The following IL1RAPL2 variants were observed in gnomAD, a reference collection of about 807,000 sequenced individuals.
IL1RAPL2 encodes interleukin 1 receptor accessory protein like 2.
Under a neutral mutation model 44.1 loss-of-function variants are expected in IL1RAPL2, and 3 were observed. The observed-to-expected ratio is 0.07, with a 90% CI of 0.03 to 0.18. The LOEUF is 0.18. Among genes scored for constraint, IL1RAPL2 ranks in the 10% least tolerant of loss-of-function variants. IL1RAPL2 has a pLI of 1.00. For missense variants in IL1RAPL2, 391 were observed against 496.4 expected, an observed-to-expected ratio of 0.79 and a Z score of 2.02; for synonymous variants, 181 against 178.8, an observed-to-expected ratio of 1.01 and a Z score of -0.10.
At chrX:104,916,475 C>G (rs1256526126) in intron 2 of IL1RAPL2, among the ~76,000 whole-genome samples, 1 of 111,351 alleles carries the variant, frequency 9.0e-6, no homozygotes, top group Non-Finnish European at 1.9e-5. Flanking sequence ...TGGGCTGAGA[C>G]GATGGGGTTT....
intron 2 of IL1RAPL2, among the ~76,000 whole-genome samples, chrX:105,077,858 G>A (rs1295263494): frequency 1.8e-5 from 2 of 111,781 alleles, no homozygotes; most frequent in Admixed American, 9.5e-5. Flanking sequence ...TGCATTCATC[G>A]TGTAGTTCTC....
chrX:105,081,640 T>G (rs778737377), intron 2 of IL1RAPL2, among the ~76,000 whole-genome samples: 1 of 112,012 alleles, frequency 8.9e-6, no homozygotes, highest in South Asian at 3.7e-4. Flanking sequence ...TATTTTGAGA[T>G]ACATTCCATC....
chrX:104,657,988 G>T (rs1010336612), intron 1 of IL1RAPL2, among the ~76,000 whole-genome samples: 1 of 112,273 alleles, frequency 8.9e-6, no homozygotes, highest in African/African-American at 3.2e-5. Flanking sequence ...AGAGGATGTG[G>T]AGAAATAGGA....
intron 2 of IL1RAPL2, among the ~76,000 whole-genome samples, chrX:104,684,701 G>A (rs1930951271): frequency 8.9e-6 from 1 of 112,484 alleles, no homozygotes; most frequent in East Asian, 2.8e-4. Context: ...CAATTGTTGT[G>A]ACATTGTTCA....
intron 2 of IL1RAPL2, among the ~76,000 whole-genome samples, chrX:104,716,725 C>G (rs1569302075): frequency 9.0e-6 from 1 of 111,479 alleles, no homozygotes; most frequent in Non-Finnish European, 1.9e-5. Context: ...CAATGAGATA[C>G]CATCTCACAC....
intron 2 of IL1RAPL2, among the ~76,000 whole-genome samples, chrX:105,025,786 T>A (rs1385053790): frequency 1.8e-5 from 2 of 111,532 alleles, no homozygotes; most frequent in East Asian, 5.6e-4. Context: ...TGTTTTATAT[T>A]TGACAAAAAC....
chrX:104,636,359 C>T (rs1047513330), intron 1 of IL1RAPL2, among the ~76,000 whole-genome samples: 2 of 112,206 alleles, frequency 1.8e-5, no homozygotes, highest in Non-Finnish European at 3.8e-5. Flanking sequence ...AACCACTACT[C>T]TCTTCAAAGC....
intron 2 of IL1RAPL2, among the ~76,000 whole-genome samples, chrX:104,886,934 TACTCTAGATCTGCTGA>T (rs1923265326): frequency 8.9e-6 from 1 of 112,300 alleles, no homozygotes; most frequent in Non-Finnish European, 1.9e-5. Context: ...GCAAGCAGGC[TACTCTAGATCTGCTGA>T]ACTTTCTAGC....
chrX:105,687,627 C>T (rs1322966074), intron 6 of IL1RAPL2, among the ~76,000 whole-genome samples: 1 of 111,290 alleles, frequency 9.0e-6, no homozygotes, highest in Non-Finnish European at 1.9e-5. Context: ...GGATTCACAG[C>T]CAAATACTAC....
At chrX:104,863,367 T>C (rs1356645450) in intron 2 of IL1RAPL2, among the ~76,000 whole-genome samples, 1 of 111,840 alleles carries the variant, frequency 8.9e-6, no homozygotes, top group African/African-American at 3.3e-5. Context: ...GATATAGTCA[T>C]TCAGATTTAT....
chrX:105,197,650 A>G (rs1556142484), intron 3 of IL1RAPL2, among the ~76,000 whole-genome samples: 1 of 110,945 alleles, frequency 9.0e-6, no homozygotes, highest in Non-Finnish European at 1.9e-5. Context: ...TGACATGGCT[A>G]TTTTCTCCTC....
At chrX:105,502,590 G>A (rs141269334) in intron 6 of IL1RAPL2, among the ~76,000 whole-genome samples, 3,533 of 111,448 alleles carry the variant, frequency 0.032, 152 homozygotes, top group African/African-American at 0.11. Flanking sequence ...AGCTTATTCA[G>A]CAGCCACATC....
At chrX:105,142,704 T>G (rs1320706429) in intron 2 of IL1RAPL2, among the ~76,000 whole-genome samples, 1 of 109,800 alleles carries the variant, frequency 9.1e-6, no homozygotes, top group Non-Finnish European at 1.9e-5. Flanking sequence ...TGTATACATG[T>G]GCCATGTTGG....
chrX:104,720,712 C>T (rs1242525923), intron 2 of IL1RAPL2, among the ~76,000 whole-genome samples: 3 of 111,573 alleles, frequency 2.7e-5, no homozygotes, highest in East Asian at 2.8e-4. Context: ...TTGAACTATA[C>T]CCCTTTATGG....
intron 2 of IL1RAPL2, among the ~76,000 whole-genome samples, chrX:105,014,783 G>A (rs866019752): frequency 7.1e-5 from 8 of 111,957 alleles, no homozygotes; most frequent in African/African-American, 6.5e-5. Context: ...ATATGGGTGC[G>A]TGTGTCTTTA....
chrX:105,714,206 T>A (rs1464746552), intron 6 of IL1RAPL2, among the ~76,000 whole-genome samples: 1 of 111,515 alleles, frequency 9.0e-6, no homozygotes, highest in African/African-American at 3.3e-5. Flanking sequence ...CCTACCAACA[T>A]TCTGGTCATA....
At chrX:104,841,778 G>A (rs1368737113) in intron 2 of IL1RAPL2, among the ~76,000 whole-genome samples, 1 of 111,352 alleles carries the variant, frequency 9.0e-6, no homozygotes, top group Non-Finnish European at 1.9e-5. Context: ...TGATGGACTT[G>A]CCTTTGTGGG....
In IL1RAPL2 at chrX:104,720,033, A is replaced by T. The variant is rs764376046; in HGVS notation, c.82+61038A>T. Reference sequence around the variant, plus strand: ...ATGTTGTTAGGGGAATGAACAGCTAATGGTAAGCTGATATCCAGAGTATCC... The same window carrying T: ...ATGTTGTTAGGGGAATGAACAGCTATTGGTAAGCTGATATCCAGAGTATCC... On this transcript the variant is annotated intron_variant, in intron 2 of 10. Transcript: ENST00000372582. Among the ~76,000 whole-genome samples the T allele has an allele frequency of 2.2e-4, 25 of 111,743 alleles. No individual in the cohort carries two copies. In the South Asian group the frequency reaches 9.3e-3, roughly 41 times the overall value.
intron 2 of IL1RAPL2, among the ~76,000 whole-genome samples, chrX:104,941,940 C>T (rs1925188904): frequency 9.0e-6 from 1 of 111,516 alleles, no homozygotes; most frequent in African/African-American, 3.3e-5. Context: ...TTCCCAGCAC[C>T]ATTTATTAAA....
Sources: gnomAD v4.1 joint callset for allele counts (sites outside exome capture counted in the v4.1 genomes callset) on GRCh38, gnomAD v4.1.1 for gene constraint, MANE v1.5 for transcripts, NCBI Gene and HGNC (gene_info 2026-07-23, HGNC 2026-07-21) for gene names.